Variants in CRYZ observed in about 807,000 individuals in gnomAD.
The protein encoded by CRYZ is zeta-crystallin.
CRYZ carries 35 observed loss-of-function variants against 34.1 expected under a neutral mutation model. The observed-to-expected ratio is 1.03, with a 90% CI of 0.78 to 1.36. The LOEUF (loss-of-function observed/expected upper bound fraction) is 1.36. Ranked by LOEUF, CRYZ falls within the 40% of genes most tolerant of loss-of-function variation. The pLI is 0.00. For synonymous variants in CRYZ, 137 were observed against 136.5 expected (o/e 1.00, Z -0.03); for missense variants, 403 against 391.8 (o/e 1.03, Z -0.24).
intron 1 of CRYZ, among the ~76,000 whole-genome samples, chr1:74,729,956 GCT>G (rs142097294): frequency 1.2e-4 from 18 of 149,440 alleles, no homozygotes; most frequent in Non-Finnish European, 1.2e-4. Context: ...TAAGCTGGGT[GCT>G]CTCTCTCTCT....
rs529619352 is a variant in CRYZ, at chr1:74,732,642, G to C, written c.-14+314C>G. On this transcript the variant is annotated intron_variant, in intron 1 of 8. Transcript: ENST00000340866. ...GCAGCGTGGGGCTGGGGGACAGGGA[G>C]TGCGGGGGGCGGAGGCTGGGCAGGG... The C allele has an allele frequency of 1.8e-4, 26 of 142,038 alleles. 1 individual carries two copies. The highest frequency in any genetic ancestry group is 5.6e-4 in the African/African-American group (21 of 37,650). 8.8% of individuals were successfully genotyped at this position (142,038 alleles called of 1,614,324 possible).
chr1:74,719,449 A>G, intron 3 of CRYZ, 77 bp from the exon 4 acceptor site: 1 of 1,360,876 alleles, frequency 7.3e-7, no homozygotes, highest in Non-Finnish European at 1.0e-6. Context: ...CTTTATAACA[A>G]GAAATAAGTG....
intron 3 of CRYZ, 117 bp downstream of exon 3, chr1:74,723,001 G>T: frequency 1.0e-6 from 1 of 982,176 alleles, no homozygotes; most frequent in Non-Finnish European, 1.5e-6. Context: ...CCCCCGAGTG[G>T]CAGAAATTGT....
In CRYZ at chr1:74,705,978, T is replaced by A. The variant is rs1294598198; in HGVS notation, c.*318A>T. The A allele has an allele frequency of 2.1e-5, 4 of 190,716 alleles. No homozygotes were observed. Among genetic ancestry groups the A allele is most frequent in the Non-Finnish European group, 4.3e-5 (4 of 92,580 alleles). 11.8% of individuals were successfully genotyped at this position (190,716 alleles called of 1,614,324 possible). ...GAAACTGAGCAGTCTTATTTTGAAC[T>A]AGCATGTTTTAATCAAAGGTATGGA... is the stretch of plus-strand genomic sequence containing the variant. On this transcript the variant is annotated 3_prime_UTR_variant, in exon 9 of 9. Coordinates refer to ENST00000340866, the MANE Select transcript of CRYZ (RefSeq NM_001889.4).
rs1387452439 is a variant in CRYZ, at chr1:74,719,222, C to T, written c.415G>A (p.Ala139Thr). The T allele has an allele frequency of 1.1e-5, 17 of 1,613,526 alleles. No individual in the cohort carries two copies. Among genetic ancestry groups the T allele is most frequent in the African/African-American group, 4.0e-5 (3 of 74,904 alleles). The change falls in exon 4 of 9, where the codon GCT becomes ACT. Residue 139 changes from alanine to threonine, a missense_variant. Coordinates refer to ENST00000340866, the MANE Select transcript of CRYZ (RefSeq NM_001889.4). ...ATGTGTTATTACCTGTGGATCAGAGCTCGATAAGCAGTAAAATATGGAATG... is the reference window on the plus strand; with the variant it reads ...ATGTGTTATTACCTGTGGATCAGAGTTCGATAAGCAGTAAAATATGGAATG... ...IGIPYFTAYR[A>T]LIHSACVKAG... is the part of the protein sequence containing the mutation.
intron 4 of CRYZ, among the ~76,000 whole-genome samples, chr1:74,716,499 A>G (rs1354387462): frequency 6.6e-6 from 1 of 151,970 alleles, no homozygotes; most frequent in East Asian, 1.9e-4. Context: ...TCCAGCTCCA[A>G]TCAAGGAGAC....
In CRYZ at chr1:74,719,500, A is replaced by T. The variant is rs908590249; in HGVS notation, c.265-128T>A. The T allele has an allele frequency of 5.2e-4, 340 of 656,944 alleles. 1 individual carries two copies. Among genetic ancestry groups the T allele is most frequent in the Non-Finnish European group, 7.0e-4 (317 of 450,842 alleles). The allele number at this position is 656,944 out of a possible 1,614,324, so 40.7% of individuals were successfully genotyped here. ...TCCTCTATAGGGTCTCATATAAATAATTTTTTTTTTTTTGAGACAGAGTCT... is the reference window on the plus strand; with the variant it reads ...TCCTCTATAGGGTCTCATATAAATATTTTTTTTTTTTTTGAGACAGAGTCT... On this transcript the variant is annotated intron_variant, in intron 3 of 8. Transcript: ENST00000340866.
At chr1:74,727,121 G>C (rs1301061209) in intron 1 of CRYZ, among the ~76,000 whole-genome samples, 1 of 150,608 alleles carries the variant, frequency 6.6e-6, no homozygotes, top group African/African-American at 2.4e-5. Context: ...CCTCCAAACT[G>C]TTCCAATTGT....
chr1:74,729,805 C>G (rs1212082144), intron 1 of CRYZ, among the ~76,000 whole-genome samples: 1 of 152,112 alleles, frequency 6.6e-6, no homozygotes, highest in Non-Finnish European at 1.5e-5. Flanking sequence ...TAGAAGATGA[C>G]TTAAACAAAA....
chr1:74,729,476 TA>T (rs1647578261), intron 1 of CRYZ, among the ~76,000 whole-genome samples: 1 of 68,736 alleles, frequency 1.5e-5, no homozygotes, highest in Non-Finnish European at 3.1e-5. Context: ...ATGCCATCTC[TA>T]CAAAAAAAAA....
At chr1:74,727,478 AAAAAT>A (rs1352687238) in intron 1 of CRYZ, among the ~76,000 whole-genome samples, 2 of 148,438 alleles carry the variant, frequency 1.3e-5, no homozygotes, top group Non-Finnish European at 3.0e-5. Flanking sequence ...AAAAAAAAAA[AAAAAT>A]TAGCCGGGCA....
chr1:74,731,873 G>A (rs1356558423), intron 1 of CRYZ, among the ~76,000 whole-genome samples: 2 of 152,110 alleles, frequency 1.3e-5, no homozygotes, highest in East Asian at 3.9e-4. Context: ...AACATCCAAC[G>A]ATGTGTTAAC....
intron 3 of CRYZ, among the ~76,000 whole-genome samples, chr1:74,720,982 A>G (rs1647153827): frequency 6.6e-6 from 1 of 152,216 alleles, no homozygotes; most frequent in Admixed American, 6.5e-5. Flanking sequence ...AGAGGAAATT[A>G]GGACTAGCTT....
At chr1:74,717,282 C>T (rs1306185827) in intron 4 of CRYZ, among the ~76,000 whole-genome samples, 3 of 152,118 alleles carry the variant, frequency 2.0e-5, no homozygotes, top group African/African-American at 7.2e-5. Flanking sequence ...TAACCTTCTA[C>T]TCTCTCTTCC....
At chr1:74,719,661 G>C (rs965878454) in intron 3 of CRYZ, among the ~76,000 whole-genome samples, 6 of 151,698 alleles carry the variant, frequency 4.0e-5, no homozygotes, top group Non-Finnish European at 7.4e-5. Context: ...ACACCCGGCT[G>C]ATTTTTGTAT....
chr1:74,708,254 C>T (rs17617240), intron 6 of CRYZ: 5,091 of 152,272 alleles, frequency 0.033, 111 homozygotes, highest in Non-Finnish European at 0.046. Flanking sequence ...ATAGTGAAAA[C>T]ACAGTGAATG....
chr1:74,722,822 G>A (rs1647188940), intron 3 of CRYZ, among the ~76,000 whole-genome samples: 8 of 152,024 alleles, frequency 5.3e-5, no homozygotes, highest in Admixed American at 5.2e-4. Context: ...TAACTTCCTT[G>A]TGTGTTTTCT....
intron 6 of CRYZ, 22 bp from the exon 7 acceptor site, chr1:74,707,226 T>A (rs751296247): frequency 3.9e-6 from 5 of 1,288,662 alleles, no homozygotes; most frequent in Non-Finnish European, 5.5e-6. Context: ...AAGAGAAATG[T>A]AGAGTAAGAT....
chr1:74,706,206 G>T lies in CRYZ; in HGVS notation c.*90C>A. 1 of 1,114,482 alleles carries T rather than the reference G, an allele frequency of 9.0e-7. No homozygotes were observed. The highest frequency in any genetic ancestry group is 1.6e-5 in the African/African-American group (1 of 63,702). 69.0% of individuals were successfully genotyped at this position (1,114,482 alleles called of 1,614,324 possible). A position where few individuals can be genotyped will look rare whatever the true frequency, so the allele number is the denominator to read the frequency against. On this transcript the variant is annotated 3_prime_UTR_variant, in exon 9 of 9. Coordinates refer to ENST00000340866, the MANE Select transcript of CRYZ (RefSeq NM_001889.4). ...TTTCACATAAGAAGCTCATGGAATC[G>T]AATGTTAATTAAAGAAAAGATAGGG...
Sources: gnomAD v4.1 joint callset for allele counts (sites outside exome capture counted in the v4.1 genomes callset) on GRCh38, gnomAD v4.1.1 for gene constraint, MANE v1.5 for transcripts, NCBI Gene and HGNC (gene_info 2026-07-23, HGNC 2026-07-21) for gene names.